Variants in FRMD4A observed in about 807,000 individuals in gnomAD.
FRMD4A encodes the protein FERM domain containing 4A.
Under a neutral mutation model 129.1 loss-of-function variants are expected in FRMD4A, and 29 were observed. That is an observed-to-expected ratio of 0.22 (90% confidence interval 0.17 to 0.31). The LOEUF (loss-of-function observed/expected upper bound fraction) is 0.31. Ranked by LOEUF, FRMD4A falls within the 10% of genes least tolerant of loss-of-function variation. The pLI, the probability that FRMD4A is intolerant of heterozygous loss-of-function variation, is 1.00. For synonymous variants in FRMD4A, 634 were observed against 571.6 expected (o/e 1.11, Z -1.56); for missense variants, 1,272 against 1,375.8 (o/e 0.92, Z 1.19).
intron 9 of FRMD4A, among the ~76,000 whole-genome samples, chr10:13,745,819 C>T (rs1391639797): frequency 6.6e-6 from 1 of 152,148 alleles, no homozygotes; most frequent in African/African-American, 2.4e-5. Flanking sequence ...AGGGCCTTGA[C>T]CATTGGATTT....
intron 2 of FRMD4A, among the ~76,000 whole-genome samples, chr10:14,296,621 A>C (rs1447372878): frequency 6.6e-6 from 1 of 152,240 alleles, no homozygotes; most frequent in Non-Finnish European, 1.5e-5. Flanking sequence ...GTGGAAACCA[A>C]ATGAGAAAGA....
intron 2 of FRMD4A, among the ~76,000 whole-genome samples, chr10:13,959,878 C>T (rs1017244083): frequency 2.6e-5 from 4 of 152,208 alleles, no homozygotes; most frequent in Non-Finnish European, 5.9e-5. Context: ...GGGGCATCCT[C>T]GTGCTCTCTA....
chr10:14,328,225 G>A (rs941616323), intron 2 of FRMD4A, among the ~76,000 whole-genome samples: 1 of 151,958 alleles, frequency 6.6e-6, no homozygotes, highest in African/African-American at 2.4e-5. Context: ...CTTTTTTCCG[G>A]GCAGGAGGAG....
At chr10:13,926,481 C>G (rs932998475) in intron 2 of FRMD4A, among the ~76,000 whole-genome samples, 3 of 152,172 alleles carry the variant, frequency 2.0e-5, no homozygotes, top group Admixed American at 6.5e-5. Context: ...CAACAGCAGT[C>G]CCAATGATCA....
chr10:14,300,522 C>G (rs2132088935), intron 2 of FRMD4A, among the ~76,000 whole-genome samples: 1 of 152,312 alleles, frequency 6.6e-6, no homozygotes, highest in South Asian at 2.1e-4. Flanking sequence ...GTTTTCTCAT[C>G]TGTAAAGTGA....
At chr10:13,767,282 A>C (rs2130722402) in intron 6 of FRMD4A, among the ~76,000 whole-genome samples, 1 of 152,152 alleles carries the variant, frequency 6.6e-6, no homozygotes, top group African/African-American at 2.4e-5. Context: ...TGTGTCACCC[A>C]GGCTGGAATG....
At chr10:14,155,159 G>T (rs12358635) in intron 2 of FRMD4A, among the ~76,000 whole-genome samples, 9,256 of 152,242 alleles carry the variant, frequency 0.061, 372 homozygotes, top group Non-Finnish European at 0.092. Flanking sequence ...GTCAGGTGTG[G>T]TGGCACATGT....
chr10:13,834,219 G>C (rs750257104), intron 3 of FRMD4A, among the ~76,000 whole-genome samples: 1 of 151,994 alleles, frequency 6.6e-6, no homozygotes, highest in Non-Finnish European at 1.5e-5. Flanking sequence ...GGCTGAGATT[G>C]TACCCTTGCA....
At chr10:14,029,208 C>T (rs1339147846) in intron 2 of FRMD4A, among the ~76,000 whole-genome samples, 10 of 151,462 alleles carry the variant, frequency 6.6e-5, no homozygotes, top group Non-Finnish European at 8.8e-5. Flanking sequence ...TCTCCTCCAG[C>T]GGGCTTAACG....
intron 2 of FRMD4A, among the ~76,000 whole-genome samples, chr10:13,968,887 G>GCT (rs1422078457): frequency 3.9e-5 from 6 of 152,154 alleles, no homozygotes; most frequent in South Asian, 2.1e-4. Flanking sequence ...AAAGGTAGCT[G>GCT]CTCTCTGCAC....
intron 2 of FRMD4A, among the ~76,000 whole-genome samples, chr10:13,870,153 G>A (rs906800636): frequency 2.0e-5 from 3 of 152,252 alleles, no homozygotes; most frequent in Non-Finnish European, 4.4e-5. Flanking sequence ...GAGATGGGTG[G>A]CAGAGAGCAG....
intron 2 of FRMD4A, among the ~76,000 whole-genome samples, chr10:14,021,100 C>T (rs766361729): frequency 6.6e-6 from 1 of 152,088 alleles, no homozygotes; most frequent in African/African-American, 2.4e-5. Context: ...AGACGAAATG[C>T]TTGCCAACAA....
chr10:14,255,425 A>G (rs1182699699), intron 2 of FRMD4A, among the ~76,000 whole-genome samples: 1 of 152,208 alleles, frequency 6.6e-6, no homozygotes, highest in Non-Finnish European at 1.5e-5. Flanking sequence ...ATATTAAAAT[A>G]TGGTATCAAA....
At chr10:13,706,929 C>T in intron 13 of FRMD4A, 108 bp downstream of exon 13, 1 of 671,012 alleles carries the variant, frequency 1.5e-6, no homozygotes, top group East Asian at 2.7e-5. Flanking sequence ...CCCACCCTCG[C>T]TCCCTGCTCC....
chr10:13,967,103 G>A (rs1173082161), intron 2 of FRMD4A, among the ~76,000 whole-genome samples: 3 of 152,210 alleles, frequency 2.0e-5, no homozygotes, highest in African/African-American at 7.2e-5. Context: ...TTCGGAGGCC[G>A]AGGCGGGCAG....
chr10:13,737,226 A>G (rs1035012670), intron 12 of FRMD4A, among the ~76,000 whole-genome samples: 14 of 152,170 alleles, frequency 9.2e-5, no homozygotes, highest in African/African-American at 3.4e-4. Flanking sequence ...AGTAGCTGGG[A>G]TTACAGGCAT....
At chr10:14,130,627 T>A (rs1055650638) in intron 2 of FRMD4A, among the ~76,000 whole-genome samples, 1 of 152,142 alleles carries the variant, frequency 6.6e-6, no homozygotes, top group Admixed American at 6.5e-5. Flanking sequence ...CCCGGTGATA[T>A]TGGTAAGCGC....
intron 2 of FRMD4A, among the ~76,000 whole-genome samples, chr10:13,952,431 T>C (rs907067479): frequency 2.6e-5 from 4 of 151,808 alleles, no homozygotes; most frequent in African/African-American, 7.3e-5. Context: ...AGCCCAGGAG[T>C]TGGAGGCTGC....
intron 2 of FRMD4A, among the ~76,000 whole-genome samples, chr10:14,202,002 G>A (rs780048891): frequency 6.6e-6 from 1 of 152,162 alleles, no homozygotes; most frequent in Admixed American, 6.5e-5. Context: ...GCTGGGCATG[G>A]TGGTGTGTGC....
Sources: allele counts gnomAD v4.1 joint callset (sites outside exome capture counted in the v4.1 genomes callset), GRCh38; gene constraint gnomAD v4.1.1; transcripts MANE v1.5; gene names NCBI Gene and HGNC (gene_info 2026-07-23, HGNC 2026-07-21).